The following AQP9 variants were observed in gnomAD, a reference collection of about 807,000 sequenced individuals.
AQP9 encodes the protein aquaporin-9.
A neutral mutation model predicts 23.8 loss-of-function variants in AQP9; 19 were observed. That is an observed-to-expected ratio of 0.80 (90% CI 0.56 to 1.17). AQP9 has a LOEUF of 1.17. AQP9 is among the 50% of genes most tolerant of loss of function. AQP9 has a pLI of 0.00. For synonymous variants in AQP9, 153 were observed against 131.5 expected (o/e 1.16, Z -1.12); for missense variants, 413 against 362.0 (o/e 1.14, Z -1.14).
At position 58,138,548 on chromosome 15, in the gene AQP9, C is replaced by T. The variant is rs372592046; in HGVS notation, c.-18C>T. 11 of 1,609,434 alleles carry T rather than the reference C, an allele frequency of 6.8e-6. No individual in the cohort carries two copies. Among genetic ancestry groups the T allele is most frequent in the Non-Finnish European group, 9.3e-6 (11 of 1,176,522 alleles). ...GGTAGGTATTGGTAGAAACAGGAGT[C>T]CTCAGAGAAGCCCCAAGATGCAGCC... On this transcript the variant is annotated 5_prime_UTR_variant, in exon 1 of 6. Transcript: ENST00000219919.
chr15:58,172,600 AC>A (rs1898648184), intron 2 of AQP9, among the ~76,000 whole-genome samples: 1 of 152,226 alleles, frequency 6.6e-6, no homozygotes, highest in African/African-American at 2.4e-5. Flanking sequence ...CTTTAAAGAT[AC>A]ATCTCTTTTG....
intron 4 of AQP9, 36 bp downstream of exon 4, chr15:58,175,072 A>G: frequency 6.5e-7 from 1 of 1,529,088 alleles, no homozygotes; most frequent in Non-Finnish European, 9.1e-7. Flanking sequence ...AACTTTGGTG[A>G]AAAGATATGC....
Position 58,174,915 on chromosome 15 carries a change from T to G in AQP9, c.377-3T>G. ...TAATGTGCCAGAGCTTTCTCTTTCATAGATGGACTTATGTCCTTTGCTGGT... is the reference window on the plus strand; with the variant it reads ...TAATGTGCCAGAGCTTTCTCTTTCAGAGATGGACTTATGTCCTTTGCTGGT... On this transcript the variant is annotated splice_polypyrimidine_tract_variant and splice_region_variant and intron_variant, in intron 3 of 5. Transcript: ENST00000219919. 1 of 1,613,258 alleles carries G rather than the reference T, an allele frequency of 6.2e-7. No individual in the cohort carries two copies.
At chr15:58,173,870 T>G (rs1229041036) in intron 3 of AQP9, among the ~76,000 whole-genome samples, 1 of 152,206 alleles carries the variant, frequency 6.6e-6, no homozygotes, top group Non-Finnish European at 1.5e-5. Context: ...GGTGTTCCCA[T>G]GAAATCAACT....
At chr15:58,176,379 G>T (rs8027681) in intron 4 of AQP9, among the ~76,000 whole-genome samples, 71,228 of 151,690 alleles carry the variant, frequency 0.47, 17,657 homozygotes, top group Admixed American at 0.6. Context: ...TTAGCCATGC[G>T]TGGTGGTGCT....
chr15:58,154,303 G>C (rs753530132), intron 1 of AQP9: 5 of 151,894 alleles, frequency 3.3e-5, no homozygotes, highest in Non-Finnish European at 5.9e-5. Flanking sequence ...CATATAATCA[G>C]CCTCCATTAC....
At chr15:58,159,285 G>GTT (rs531252865) in intron 1 of AQP9, among the ~76,000 whole-genome samples, 2 of 147,624 alleles carry the variant, frequency 1.4e-5, no homozygotes, top group Non-Finnish European at 3.0e-5. Flanking sequence ...ATTAAGTTGG[G>GTT]TTTTTTTTTT....
chr15:58,143,114 C>T (rs1418061338), intron 1 of AQP9, among the ~76,000 whole-genome samples: 5 of 152,164 alleles, frequency 3.3e-5, no homozygotes, highest in African/African-American at 7.2e-5. Context: ...GGATGTCTAC[C>T]GTCAGTTTTA....
chr15:58,150,322 A>G (rs1898125219), intron 1 of AQP9: 1 of 152,640 alleles, frequency 6.6e-6, no homozygotes, highest in Non-Finnish European at 1.5e-5. Context: ...AAGTTTCAGA[A>G]TATTCCAAGG....
At chr15:58,153,745 C>G (rs1277519506) in intron 1 of AQP9, 1 of 152,128 alleles carries the variant, frequency 6.6e-6, no homozygotes, top group East Asian at 1.9e-4. Flanking sequence ...CCTTTCCTCA[C>G]AGGCTTTTAT....
intron 1 of AQP9, among the ~76,000 whole-genome samples, chr15:58,142,429 CA>C (rs1304625562): frequency 6.6e-6 from 1 of 152,172 alleles, no homozygotes; most frequent in Non-Finnish European, 1.5e-5. Context: ...AATACATTAG[CA>C]GTGTCAAAAG....
chr15:58,182,431 C>A (rs1043869936), intron 5 of AQP9, among the ~76,000 whole-genome samples: 5 of 152,126 alleles, frequency 3.3e-5, no homozygotes, highest in Non-Finnish European at 5.9e-5. Flanking sequence ...CATGTCCAAT[C>A]TGATAAAATA....
chr15:58,139,651 A>T (rs1897917577), intron 1 of AQP9, among the ~76,000 whole-genome samples: 1 of 152,246 alleles, frequency 6.6e-6, no homozygotes, highest in East Asian at 1.9e-4. Context: ...GGGCAAATAC[A>T]TAATAATTTA....
intron 1 of AQP9, among the ~76,000 whole-genome samples, chr15:58,145,031 AAAGAT>A (rs1229978320): frequency 6.6e-6 from 1 of 151,462 alleles, no homozygotes; most frequent in African/African-American, 2.4e-5. Flanking sequence ...AAAAAAAAAA[AAAGAT>A]AAAAGAAAAA....
chr15:58,176,864 C>T (rs1034774596), intron 4 of AQP9, among the ~76,000 whole-genome samples: 5 of 152,078 alleles, frequency 3.3e-5, no homozygotes, highest in African/African-American at 1.2e-4. Flanking sequence ...CTGCCTAAGC[C>T]TCCCAAAGCT....
At chr15:58,180,677 G>A (rs1898866990) in intron 5 of AQP9, among the ~76,000 whole-genome samples, 1 of 152,104 alleles carries the variant, frequency 6.6e-6, no homozygotes, top group Non-Finnish European at 1.5e-5. Flanking sequence ...ACCAGAGGTG[G>A]GCAACTGTTC....
chr15:58,154,494 G>C (rs1263110118), intron 1 of AQP9: 1 of 152,008 alleles, frequency 6.6e-6, no homozygotes, highest in African/African-American at 2.4e-5. Flanking sequence ...TAAAGAAGCT[G>C]CACCGACAGA....
intron 1 of AQP9, among the ~76,000 whole-genome samples, chr15:58,144,893 A>T (rs773234595): frequency 4.0e-5 from 6 of 151,762 alleles, no homozygotes; most frequent in Non-Finnish European, 8.8e-5. Flanking sequence ...ATGCACCTGT[A>T]GTCCCAGCTA....
At chr15:58,169,134 C>A (rs2140620975) in intron 2 of AQP9, among the ~76,000 whole-genome samples, 2 of 152,278 alleles carry the variant, frequency 1.3e-5, no homozygotes, top group South Asian at 4.1e-4. Context: ...TCTTCTGTGG[C>A]CTCTAAACTG....
Sources: allele counts gnomAD v4.1 joint callset (sites outside exome capture counted in the v4.1 genomes callset), GRCh38; gene constraint gnomAD v4.1.1; transcripts MANE v1.5; gene names NCBI Gene and HGNC (gene_info 2026-07-23, HGNC 2026-07-21).